The following MID1 variants were observed in gnomAD, a reference collection of about 807,000 sequenced individuals.
MID1 encodes midline 1.
MID1 carries 7 observed loss-of-function variants against 40.4 expected under a neutral mutation model. The ratio of observed to expected loss-of-function variants is 0.17; its 90% CI spans 0.10 to 0.33. The LOEUF is 0.33. MID1 is among the 10% of genes least tolerant of loss of function. The probability of loss-of-function intolerance (pLI) is 1.00; values close to 1 mark genes in which losing one functional copy is unlikely to be tolerated. For synonymous variants in MID1, 229 were observed against 221.2 expected (o/e 1.04, Z -0.31); for missense variants, 367 against 558.5 (o/e 0.66, Z 3.46).
intron 4 of MID1, among the ~76,000 whole-genome samples, chrX:10,485,270 C>G (rs1396594022): frequency 8.9e-6 from 1 of 112,367 alleles, no homozygotes; most frequent in African/African-American, 3.2e-5. Context: ...CCCTGATTTG[C>G]AGCACACTCT....
chrX:10,675,889 C>T (rs1386957682), intron 1 of MID1, among the ~76,000 whole-genome samples: 5 of 111,545 alleles, frequency 4.5e-5, no homozygotes, highest in African/African-American at 1.6e-4. Context: ...CCAATTAGAA[C>T]TCCTCTGCAT....
At chrX:10,768,736 A>T (rs2043746915) in intron 1 of MID1, among the ~76,000 whole-genome samples, 1 of 111,558 alleles carries the variant, frequency 9.0e-6, no homozygotes. Flanking sequence ...GGCAGTGTTA[A>T]CTCTCCATCC....
intron 1 of MID1, among the ~76,000 whole-genome samples, chrX:10,645,745 T>C (rs1336573849): frequency 8.9e-6 from 1 of 112,000 alleles, no homozygotes; most frequent in African/African-American, 3.2e-5. Context: ...CCAGTTTCCC[T>C]TGGGTGCAGT....
intron 1 of MID1, among the ~76,000 whole-genome samples, chrX:10,760,805 C>T (rs1395562234): frequency 9.0e-6 from 1 of 111,434 alleles, no homozygotes; most frequent in Non-Finnish European, 1.9e-5. Flanking sequence ...CTAGCCTGAA[C>T]GACACAGCAA....
intron 1 of MID1, among the ~76,000 whole-genome samples, chrX:10,777,526 C>CTCTTTTCTTT (rs747553471): frequency 9.2e-6 from 1 of 108,390 alleles, no homozygotes; most frequent in Non-Finnish European, 1.9e-5. Flanking sequence ...ATTATATAAG[C>CTCTTTTCTTT]TCTTTTCTTT....
At chrX:10,608,978 A>C (rs1935676194) in intron 1 of MID1, among the ~76,000 whole-genome samples, 1 of 112,321 alleles carries the variant, frequency 8.9e-6, no homozygotes, top group Non-Finnish European at 1.9e-5. Context: ...AGATGAAGGA[A>C]AAATATGCTT....
At chrX:10,582,618 C>T (rs145830019) in intron 1 of MID1, among the ~76,000 whole-genome samples, 154 of 111,970 alleles carry the variant, frequency 1.4e-3, no homozygotes, top group African/African-American at 4.8e-3. Flanking sequence ...TCCTTACCAA[C>T]GGCTCCAAGC....
At chrX:10,792,876 A>T (rs901395019) in intron 1 of MID1, among the ~76,000 whole-genome samples, 1 of 111,791 alleles carries the variant, frequency 8.9e-6, no homozygotes, top group African/African-American at 3.3e-5. Flanking sequence ...TGAAAGGATG[A>T]ATTTATGGTA....
chrX:10,520,953 G>C (rs969372690), intron 3 of MID1, among the ~76,000 whole-genome samples: 1 of 110,871 alleles, frequency 9.0e-6, no homozygotes. Context: ...CAAAGAAAAG[G>C]GGTTTAATTG....
intron 1 of MID1, among the ~76,000 whole-genome samples, chrX:10,705,958 T>C (rs769571911): frequency 8.9e-6 from 1 of 112,214 alleles, no homozygotes; most frequent in East Asian, 2.8e-4. Context: ...TTCATCCTCA[T>C]GGAACTCACA....
At chrX:10,599,503 G>A (rs569585188) in intron 1 of MID1, among the ~76,000 whole-genome samples, 1 of 112,387 alleles carries the variant, frequency 8.9e-6, no homozygotes, top group Non-Finnish European at 1.9e-5. Flanking sequence ...GATATGCCAT[G>A]ATCATATGCT....
chrX:10,560,791 C>T (rs1340024177), intron 2 of MID1, among the ~76,000 whole-genome samples: 39 of 111,081 alleles, frequency 3.5e-4, no homozygotes, highest in African/African-American at 1.3e-3. Flanking sequence ...AATGGCCATA[C>T]TGCCCAAAGT....
intron 1 of MID1, among the ~76,000 whole-genome samples, chrX:10,681,044 A>AATAATAATG (rs1369874093): frequency 9.8e-6 from 1 of 102,097 alleles, no homozygotes; most frequent in Non-Finnish European, 2.0e-5. Flanking sequence ...TAATAATAAT[A>AATAATAATG]ATAATAATAA....
intron 1 of MID1, among the ~76,000 whole-genome samples, chrX:10,713,325 A>ATTT (rs112742852): frequency 0.014 from 1,331 of 96,496 alleles, 27 homozygotes; most frequent in African/African-American, 0.047. Context: ...AGAGAAGGAG[A>ATTT]TTTTTTTTTT....
chrX:10,748,030 G>C (rs933271197), intron 1 of MID1, among the ~76,000 whole-genome samples: 5 of 110,601 alleles, frequency 4.5e-5, no homozygotes, highest in Non-Finnish European at 9.5e-5. Context: ...TTAGTGAGCT[G>C]GAGATGATAA....
chrX:10,759,108 T>C (rs1171657123), intron 1 of MID1, among the ~76,000 whole-genome samples: 1 of 112,234 alleles, frequency 8.9e-6, no homozygotes, highest in Non-Finnish European at 1.9e-5. Flanking sequence ...AACACGCATG[T>C]ATGCTATTAT....
At chrX:10,578,539 C>G (rs1324107410) in intron 1 of MID1, among the ~76,000 whole-genome samples, 1 of 112,744 alleles carries the variant, frequency 8.9e-6, no homozygotes, top group African/African-American at 3.2e-5. Flanking sequence ...TTCCCACTAT[C>G]TGAATGTCTC....
intron 1 of MID1, among the ~76,000 whole-genome samples, chrX:10,654,508 G>A (rs763462885): frequency 8.9e-6 from 1 of 111,839 alleles, no homozygotes; most frequent in East Asian, 2.8e-4. Context: ...ACCATAAGGA[G>A]TGGGCAACCT....
chrX:10,721,585 G>T (rs1353447314), intron 1 of MID1, among the ~76,000 whole-genome samples: 1 of 110,509 alleles, frequency 9.0e-6, no homozygotes, highest in Non-Finnish European at 1.9e-5. Context: ...ATTCTGTGCC[G>T]AAAACACAGA....
Sources: gnomAD v4.1 joint callset for allele counts (sites outside exome capture counted in the v4.1 genomes callset) on GRCh38, gnomAD v4.1.1 for gene constraint, MANE v1.5 for transcripts, NCBI Gene and HGNC (gene_info 2026-07-23, HGNC 2026-07-21) for gene names.